TMEM132D: variants seen among roughly 807,000 people sequenced by gnomAD.
TMEM132D encodes mature OL transmembrane protein.
TMEM132D carries 21 observed loss-of-function variants against 62.3 expected under a neutral mutation model. The observed-to-expected ratio is 0.34, with a 90% CI of 0.24 to 0.49. The LOEUF is 0.49. Among genes scored for constraint, TMEM132D ranks in the 20% least tolerant of loss-of-function variants. TMEM132D has a pLI of 0.99. For synonymous variants in TMEM132D, 621 were observed against 575.6 expected, an observed-to-expected ratio of 1.08 and a Z score of -1.13; for missense variants, 1,346 against 1,402.8, an observed-to-expected ratio of 0.96 and a Z score of 0.65.
chr12:129,093,406 C>A (rs1227823047), intron 5 of TMEM132D, among the ~76,000 whole-genome samples: 1 of 151,792 alleles, frequency 6.6e-6, no homozygotes, highest in Non-Finnish European at 1.5e-5. Flanking sequence ...AAACAGAGAG[C>A]CAAATCATGA....
intron 3 of TMEM132D, among the ~76,000 whole-genome samples, chr12:129,493,276 T>A (rs956923598): frequency 1.3e-5 from 2 of 152,240 alleles, no homozygotes; most frequent in African/African-American, 4.8e-5. Context: ...CTCATCACAA[T>A]TAATACAACC....
intron 3 of TMEM132D, among the ~76,000 whole-genome samples, chr12:129,360,123 G>T (rs573456168): frequency 2.6e-5 from 4 of 152,116 alleles, no homozygotes; most frequent in Admixed American, 6.6e-5. Context: ...TGCACATGCT[G>T]CAGGACACCT....
chr12:129,314,788 G>A (rs920894592), intron 4 of TMEM132D, among the ~76,000 whole-genome samples: 8 of 151,866 alleles, frequency 5.3e-5, no homozygotes, highest in East Asian at 1.9e-4. Flanking sequence ...TGTTGTCTAC[G>A]GTTTATTTCA....
At chr12:129,452,250 G>A (rs1479442889) in intron 3 of TMEM132D, among the ~76,000 whole-genome samples, 5 of 152,200 alleles carry the variant, frequency 3.3e-5, no homozygotes, top group African/African-American at 9.6e-5. Context: ...TGAATAACAT[G>A]CCGAACACCG....
chr12:129,619,501 C>T (rs1879007138), intron 2 of TMEM132D, among the ~76,000 whole-genome samples: 1 of 152,182 alleles, frequency 6.6e-6, no homozygotes, highest in Non-Finnish European at 1.5e-5. Flanking sequence ...CATAATTTTC[C>T]AAGCTGTCCC....
At chr12:129,889,402 C>T (rs1012239836) in intron 1 of TMEM132D, among the ~76,000 whole-genome samples, 6 of 152,168 alleles carry the variant, frequency 3.9e-5, no homozygotes, top group Non-Finnish European at 7.3e-5. Context: ...CTTGAACCCT[C>T]CTTTCCCCAG....
At chr12:129,774,657 T>C (rs1292269203) in intron 1 of TMEM132D, among the ~76,000 whole-genome samples, 1 of 152,172 alleles carries the variant, frequency 6.6e-6, no homozygotes, top group Non-Finnish European at 1.5e-5. Flanking sequence ...AGACCAAGTC[T>C]CTGATGGAAT....
intron 1 of TMEM132D, among the ~76,000 whole-genome samples, chr12:129,787,527 C>T (rs928384211): frequency 6.6e-6 from 1 of 152,108 alleles, no homozygotes; most frequent in Non-Finnish European, 1.5e-5. Flanking sequence ...TTTATTTGCC[C>T]GAATTAAATG....
At chr12:129,454,768 C>T (rs1003918167) in intron 3 of TMEM132D, among the ~76,000 whole-genome samples, 5 of 152,202 alleles carry the variant, frequency 3.3e-5, no homozygotes, top group Non-Finnish European at 7.3e-5. Flanking sequence ...GTCCGTGTCT[C>T]TGCCTCTCAT....
chr12:129,099,916 C>T (rs1307071022), intron 5 of TMEM132D, among the ~76,000 whole-genome samples: 2 of 126,302 alleles, frequency 1.6e-5, no homozygotes, highest in African/African-American at 1.1e-4. Flanking sequence ...AGCTCCGCCT[C>T]CCGGGTTCAC....
At chr12:129,417,012 T>C (rs982917010) in intron 3 of TMEM132D, among the ~76,000 whole-genome samples, 8 of 152,134 alleles carry the variant, frequency 5.3e-5, no homozygotes, top group Non-Finnish European at 1.0e-4. Flanking sequence ...TTCTTTTTTG[T>C]TGTTGGTGTG....
At chr12:129,640,944 C>T (rs1296364577) in intron 2 of TMEM132D, among the ~76,000 whole-genome samples, 1 of 152,090 alleles carries the variant, frequency 6.6e-6, no homozygotes, top group East Asian at 1.9e-4. Context: ...GAATCTAACG[C>T]CTGATGATCT....
intron 4 of TMEM132D, among the ~76,000 whole-genome samples, chr12:129,246,704 T>G (rs369786106): frequency 2.0e-5 from 3 of 151,832 alleles, no homozygotes; most frequent in African/African-American, 7.3e-5. Context: ...AGGCAGAGAT[T>G]GCAGTGAGCT....
At chr12:129,597,545 C>A (rs1165257269) in intron 2 of TMEM132D, among the ~76,000 whole-genome samples, 1 of 152,132 alleles carries the variant, frequency 6.6e-6, no homozygotes, top group Non-Finnish European at 1.5e-5. Context: ...GGACAGTCCC[C>A]TGAGACAGTA....
chr12:129,851,516 C>T (rs1873542308), intron 1 of TMEM132D, among the ~76,000 whole-genome samples: 1 of 152,102 alleles, frequency 6.6e-6, no homozygotes. Context: ...AAGGGCTGTA[C>T]AAAAGCACAA....
At chr12:129,828,636 G>A (rs1242543723) in intron 1 of TMEM132D, among the ~76,000 whole-genome samples, 15 of 122,370 alleles carry the variant, frequency 1.2e-4, no homozygotes, top group Non-Finnish European at 1.8e-4. Context: ...AAGTAAGGAA[G>A]AAGAGAAGAA....
At chr12:129,632,193 T>A (rs763180940) in intron 2 of TMEM132D, among the ~76,000 whole-genome samples, 1 of 152,152 alleles carries the variant, frequency 6.6e-6, no homozygotes, top group Non-Finnish European at 1.5e-5. Context: ...TGCTTATATG[T>A]AAGCGGAGAA....
chr12:129,265,765 C>G (rs567146648), intron 4 of TMEM132D, among the ~76,000 whole-genome samples: 1 of 152,172 alleles, frequency 6.6e-6, no homozygotes, highest in South Asian at 2.1e-4. Context: ...CAGTCCCTCT[C>G]TTCCTTCACA....
chr12:129,894,343 C>T (rs1875033144), intron 1 of TMEM132D, among the ~76,000 whole-genome samples: 1 of 152,206 alleles, frequency 6.6e-6, no homozygotes, highest in African/African-American at 2.4e-5. Flanking sequence ...TGGTCCCACC[C>T]TTGACATGTG....
Sources: allele counts gnomAD v4.1 joint callset (sites outside exome capture counted in the v4.1 genomes callset), GRCh38; gene constraint gnomAD v4.1.1; transcripts MANE v1.5; gene names NCBI Gene and HGNC (gene_info 2026-07-23, HGNC 2026-07-21).